PCDHGA3: variants seen among roughly 807,000 people sequenced by gnomAD.
PCDHGA3 encodes protocadherin gamma-A3.
PCDHGA3 carries 40 observed loss-of-function variants against 58.5 expected under a neutral mutation model. The ratio of observed to expected loss-of-function variants is 0.68; its 90% CI spans 0.53 to 0.89. The LOEUF is 0.89. PCDHGA3 is among the 40% of genes least tolerant of loss of function. PCDHGA3 has a pLI of 0.00. For missense variants in PCDHGA3, 1,223 were observed against 1,195.9 expected (o/e 1.02, Z -0.33); for synonymous variants, 530 against 525.7 (o/e 1.01, Z -0.11).
At position 141,350,686 on chromosome 5, in the gene PCDHGA3, A is replaced by G. The variant is rs1377693392; in HGVS notation, c.2424+4229A>G. On this transcript the variant is annotated intron_variant, in intron 1 of 3. Coordinates refer to ENST00000253812, the MANE Select transcript of PCDHGA3 (RefSeq NM_018916.4). ...GCATTGACTTAGAAATTTGTGAGTC[A>G]GCCTTACCCGGGGTAAAATTCTCTC... The G allele has an allele frequency of 1.1e-5, 18 of 1,613,904 alleles. No homozygotes were observed. In the East Asian group the frequency reaches 1.6e-4, roughly 14 times the overall value.
At chr5:141,358,935 T>A (rs550902400) in intron 1 of PCDHGA3, among the ~76,000 whole-genome samples, 2 of 152,358 alleles carry the variant, frequency 1.3e-5, no homozygotes, top group Admixed American at 1.3e-4. Flanking sequence ...TATACAACAC[T>A]TTTGTTCTTT....
At chr5:141,385,426 T>G (rs1781187652) in intron 1 of PCDHGA3, 1 of 1,460,770 alleles carries the variant, frequency 6.8e-7, no homozygotes. Flanking sequence ...TTAAAAAACT[T>G]TATAGAGGTA....
At chr5:141,385,471 C>T in intron 1 of PCDHGA3, 4 of 1,437,776 alleles carry the variant, frequency 2.8e-6, no homozygotes, top group South Asian at 3.1e-5. Context: ...AGTGGTGACA[C>T]TTTAATATAG....
chr5:141,423,484 A>G, intron 1 of PCDHGA3: 1 of 1,613,722 alleles, frequency 6.2e-7, no homozygotes, highest in Non-Finnish European at 8.5e-7. Flanking sequence ...TTTCCTGCAA[A>G]CCTATTCCCA....
chr5:141,418,694 TATTCC>T, intron 1 of PCDHGA3: 2 of 1,614,044 alleles, frequency 1.2e-6, no homozygotes, highest in Non-Finnish European at 1.7e-6. Flanking sequence ...AGAGATCACT[TATTCC>T]TTCTTTGGTG....
rs758417744 is a variant in PCDHGA3, at chr5:141,430,916, G to A, written c.2425-63891G>A. On this transcript the variant is annotated intron_variant, in intron 1 of 3. Coordinates refer to ENST00000253812, the MANE Select transcript of PCDHGA3 (RefSeq NM_018916.4). ...GGTGGGCGACATCTCCAGGGACCTG[G>A]GGCTGGAGCCCCGGGAGCTCGCGGA... The A allele has an allele frequency of 1.9e-6, 3 of 1,607,878 alleles. No individual in the cohort carries two copies. The East Asian group carries it at 6.7e-5, about 36-fold the overall frequency.
At chr5:141,365,992 C>T (rs571544765) in intron 1 of PCDHGA3, 10 of 1,614,132 alleles carry the variant, frequency 6.2e-6, no homozygotes, top group Middle Eastern at 1.6e-4. Context: ...TTGTGCTGGA[C>T]CAGAACGACA....
At chr5:141,384,276 C>T (rs1333595693) in intron 1 of PCDHGA3, 1 of 1,613,888 alleles carries the variant, frequency 6.2e-7, no homozygotes, top group South Asian at 1.1e-5. Context: ...CCTACTCAGT[C>T]TACATCGCTG....
In PCDHGA3 at chr5:141,477,602, C is replaced by G. The variant is rs772296229; in HGVS notation, c.2425-17205C>G. ...GCAGAATGCTCGGCTTTCTTTCTTT[C>G]TCTTGGAGCAAGGAGCTGAAACCGG... On this transcript the variant is annotated intron_variant, in intron 1 of 3. Coordinates refer to ENST00000253812, the MANE Select transcript of PCDHGA3 (RefSeq NM_018916.4). This position sits in a 1 kb window ranked among gnomAD's most constrained non-coding sequence, Gnocchi z 4.9. 6.2e-7 allele frequency: 1 copy of G among 1,614,098 alleles called. No homozygotes were observed. Among genetic ancestry groups the G allele is most frequent in the East Asian group, 2.2e-5 (1 of 44,898 alleles).
intron 1 of PCDHGA3, chr5:141,374,905 C>T (rs756655009): frequency 1.2e-6 from 2 of 1,613,616 alleles, no homozygotes; most frequent in Non-Finnish European, 8.5e-7. Flanking sequence ...AAGGAGTCCA[C>T]GGGGAAGTAA....
intron 1 of PCDHGA3, chr5:141,415,929 T>C: frequency 1.6e-6 from 1 of 629,678 alleles, no homozygotes; most frequent in African/African-American, 1.9e-5. Context: ...TGTCAATTTA[T>C]ATTTCCTCCT....
chr5:141,354,406 A>G (rs1192533081), intron 1 of PCDHGA3, among the ~76,000 whole-genome samples: 1 of 152,244 alleles, frequency 6.6e-6, no homozygotes, highest in Admixed American at 6.5e-5. Context: ...TCTACTGTAC[A>G]CAAAATTAAG....
At position 141,485,386 on chromosome 5, in the gene PCDHGA3, C is replaced by A. The variant is rs1044608807; in HGVS notation, c.2425-9421C>A. The stretch of plus-strand genomic sequence containing the variant: ...GGCTGCAGGTCGCTGGAGAGGTGAA[C>A]CAAAGACACTTCCGTGTGGATTTGG... On this transcript the variant is annotated intron_variant, in intron 1 of 3. Coordinates refer to ENST00000253812, the MANE Select transcript of PCDHGA3 (RefSeq NM_018916.4). This position sits in a 1 kb window ranked among gnomAD's most constrained non-coding sequence, Gnocchi z 5.7. 1.2e-6 allele frequency: 2 copies of A among 1,614,104 alleles called. No homozygotes were observed. The highest frequency in any genetic ancestry group is 8.5e-7 in the Non-Finnish European group (1 of 1,180,002).
intron 1 of PCDHGA3, chr5:141,414,601 T>A: frequency 6.2e-7 from 1 of 1,613,944 alleles, no homozygotes; most frequent in Non-Finnish European, 8.5e-7. Flanking sequence ...TGCCTCCATC[T>A]TCTCAGTGAC....
At position 141,376,627 on chromosome 5, in the gene PCDHGA3, A is replaced by G. The variant is rs183524096; in HGVS notation, c.2424+30170A>G. On this transcript the variant is annotated intron_variant, in intron 1 of 3. Transcript: ENST00000253812. ...AGCGAACCTCTTTTGGTACAGGAAG[A>G]TTCGTGATTTTGTAAAGTGGAAGAC... 863 of 1,127,968 alleles carry G rather than the reference A, an allele frequency of 7.7e-4. 3 individuals carry two copies. Among genetic ancestry groups the G allele is most frequent in the Middle Eastern group, 3.8e-3 (17 of 4,452 alleles). The allele number at this position is 1,127,968 out of a possible 1,614,324, so 69.9% of individuals were successfully genotyped here. A position where few individuals can be genotyped will look rare whatever the true frequency, so the allele number is the denominator to read the frequency against.
At chr5:141,480,652 A>C (rs1488188393) in intron 1 of PCDHGA3, among the ~76,000 whole-genome samples, 4 of 152,220 alleles carry the variant, frequency 2.6e-5, no homozygotes, top group Non-Finnish European at 5.9e-5. Context: ...TTGGTTGCAC[A>C]TTAAAATCAC....
In PCDHGA3 at chr5:141,445,037, GT is replaced by G. The variant is rs2098454887; in HGVS notation, c.2425-49766del. 5.3e-5 allele frequency among the ~76,000 whole-genome samples: 8 copies of G among 152,072 alleles called. No homozygotes were observed. In the South Asian group the frequency reaches 1.7e-3, roughly 32 times the overall value. On this transcript the variant is annotated intron_variant, in intron 1 of 3. Transcript: ENST00000253812. ...TAATTTCTCTCAGCTATGTTGTATAGTTTTCAGTGTAGAGAGGTCATGTATA... is the reference window on the plus strand; with the variant it reads ...TAATTTCTCTCAGCTATGTTGTATAGTTTCAGTGTAGAGAGGTCATGTATA...
intron 1 of PCDHGA3, chr5:141,382,891 A>C (rs1428861059): frequency 6.5e-7 from 1 of 1,533,794 alleles, no homozygotes; most frequent in Non-Finnish European, 8.8e-7. Flanking sequence ...CAAGAGAAGC[A>C]GGACGACTAT....
intron 1 of PCDHGA3, chr5:141,403,227 G>T: frequency 1.9e-6 from 3 of 1,608,966 alleles, no homozygotes; most frequent in Non-Finnish European, 2.6e-6. Context: ...AGGATAGACC[G>T]GGAGGAGCTC....
Sources: gnomAD v4.1 joint callset for allele counts (sites outside exome capture counted in the v4.1 genomes callset) on GRCh38, gnomAD v4.1.1 for gene constraint, Gnocchi (gnomAD v3.1) non-coding constraint, MANE v1.5 for transcripts, NCBI Gene and HGNC (gene_info 2026-07-23, HGNC 2026-07-21) for gene names.